The following CTNNA3 variants were observed in gnomAD, a reference collection of about 807,000 sequenced individuals.
CTNNA3 encodes the protein catenin alpha 3.
Under a neutral mutation model 95.7 loss-of-function variants are expected in CTNNA3, and 76 were observed. The observed-to-expected ratio is 0.79, with a 90% CI of 0.66 to 0.96. The LOEUF (loss-of-function observed/expected upper bound fraction) is 0.96. Ranked by LOEUF, CTNNA3 falls within the 40% of genes least tolerant of loss-of-function variation. The pLI is 0.00. For synonymous variants in CTNNA3, 431 were observed against 374.4 expected, an observed-to-expected ratio of 1.15 and a Z score of -1.74; for missense variants, 1,191 against 1,089.8, an observed-to-expected ratio of 1.09 and a Z score of -1.31.
chr10:66,171,267 AT>A (rs201061710), intron 13 of CTNNA3, among the ~76,000 whole-genome samples: 4 of 150,320 alleles, frequency 2.7e-5, no homozygotes, highest in South Asian at 2.1e-4. Flanking sequence ...GCTAGCCTTT[AT>A]TTAAAAAAAA....
chr10:66,529,442 T>TTTTTG (rs528108140), intron 10 of CTNNA3, among the ~76,000 whole-genome samples: 923 of 81,302 alleles, frequency 0.011, 9 homozygotes, highest in Non-Finnish European at 0.016. Flanking sequence ...AAACAGTGTT[T>TTTTTG]TTTTTTTGTT....
intron 7 of CTNNA3, among the ~76,000 whole-genome samples, chr10:67,108,325 C>T (rs1858758557): frequency 6.6e-6 from 1 of 152,062 alleles, no homozygotes; most frequent in Admixed American, 6.5e-5. Flanking sequence ...GAAATATTCT[C>T]TTCATCAAAT....
intron 15 of CTNNA3, among the ~76,000 whole-genome samples, chr10:66,038,843 A>C (rs1368996609): frequency 1.3e-5 from 2 of 152,144 alleles, no homozygotes; most frequent in Non-Finnish European, 2.9e-5. Context: ...ACAAGAAAAG[A>C]ATGTTCTCTG....
intron 9 of CTNNA3, among the ~76,000 whole-genome samples, chr10:66,649,899 G>A (rs775553758): frequency 1.3e-5 from 2 of 152,114 alleles, no homozygotes; most frequent in Non-Finnish European, 2.9e-5. Flanking sequence ...CCACAGACTC[G>A]GGCTTCAGGC....
chr10:66,554,893 G>C (rs1842343820), intron 10 of CTNNA3, among the ~76,000 whole-genome samples: 2 of 151,140 alleles, frequency 1.3e-5, no homozygotes, highest in Admixed American at 1.3e-4. Context: ...CTACTTTTTG[G>C]TTATTTTTTC....
intron 1 of CTNNA3, among the ~76,000 whole-genome samples, chr10:67,740,742 A>T (rs1184925086): frequency 2.6e-5 from 4 of 151,370 alleles, no homozygotes; most frequent in African/African-American, 7.3e-5. Context: ...ATTGTGGAAG[A>T]CAGTGTGGCA....
At chr10:66,346,222 T>C (rs1165653506) in intron 12 of CTNNA3, among the ~76,000 whole-genome samples, 3 of 89,652 alleles carry the variant, frequency 3.3e-5, no homozygotes, top group Non-Finnish European at 6.6e-5. Flanking sequence ...TATATATATA[T>C]ATATATATAT....
At chr10:66,331,338 G>GT (rs2092326740) in intron 12 of CTNNA3, among the ~76,000 whole-genome samples, 3 of 39,104 alleles carry the variant, frequency 7.7e-5, no homozygotes, top group Non-Finnish European at 5.9e-5. Context: ...TTTCCCCATT[G>GT]TTTGTTTTTT....
At chr10:66,934,931 A>G (rs888218550) in intron 7 of CTNNA3, among the ~76,000 whole-genome samples, 1 of 152,146 alleles carries the variant, frequency 6.6e-6, no homozygotes, top group African/African-American at 2.4e-5. Flanking sequence ...TCTTGGTGCT[A>G]AAGCTTATTA....
intron 7 of CTNNA3, among the ~76,000 whole-genome samples, chr10:66,781,975 G>C (rs1272046769): frequency 6.6e-6 from 1 of 152,134 alleles, no homozygotes; most frequent in Admixed American, 6.6e-5. Context: ...ACCATACCAT[G>C]ACAACTTGAA....
chr10:66,450,283 T>C (rs2093454825), intron 11 of CTNNA3, among the ~76,000 whole-genome samples: 1 of 152,120 alleles, frequency 6.6e-6, no homozygotes, highest in South Asian at 2.1e-4. Context: ...TGGTATTTTT[T>C]CCAGAAAATA....
At chr10:66,599,897 T>C (rs1036230668) in intron 10 of CTNNA3, among the ~76,000 whole-genome samples, 11 of 152,006 alleles carry the variant, frequency 7.2e-5, no homozygotes, top group Admixed American at 6.6e-4. Context: ...GTACATTCTC[T>C]TAGGTCACTA....
chr10:67,213,040 G>A (rs1284111776), intron 6 of CTNNA3, among the ~76,000 whole-genome samples: 1 of 151,522 alleles, frequency 6.6e-6, no homozygotes, highest in Non-Finnish European at 1.5e-5. Flanking sequence ...TTCCTGGAAG[G>A]GTTTATAGTA....
At chr10:66,615,337 A>T (rs1459266039) in intron 10 of CTNNA3, among the ~76,000 whole-genome samples, 1 of 152,000 alleles carries the variant, frequency 6.6e-6, no homozygotes, top group Non-Finnish European at 1.5e-5. Context: ...CTACAAAAAG[A>T]TCAATTATTT....
intron 5 of CTNNA3, among the ~76,000 whole-genome samples, chr10:67,332,568 G>A (rs191136090): frequency 6.6e-6 from 1 of 152,200 alleles, no homozygotes; most frequent in Non-Finnish European, 1.5e-5. Flanking sequence ...GAGAAATGTT[G>A]ACCTAAACAA....
chr10:66,384,490 T>C (rs1280383934), intron 11 of CTNNA3, among the ~76,000 whole-genome samples: 1 of 152,112 alleles, frequency 6.6e-6, no homozygotes, highest in Non-Finnish European at 1.5e-5. Context: ...ACAATAATAA[T>C]GGGAGACTTT....
intron 11 of CTNNA3, among the ~76,000 whole-genome samples, chr10:66,477,860 T>TCA (rs1839381488): frequency 6.6e-6 from 1 of 152,040 alleles, no homozygotes; most frequent in African/African-American, 2.4e-5. Flanking sequence ...ACATCCACTC[T>TCA]CATAAGTAAC....
At position 67,189,142 on chromosome 10, in the gene CTNNA3, CAAAA is replaced by C. The variant is rs202123310; in HGVS notation, c.844-8626_844-8623del. 2.9e-3 allele frequency among the ~76,000 whole-genome samples: 403 copies of C among 138,934 alleles called. 1 individual carries two copies. The highest frequency in any genetic ancestry group is 5.1e-3 in the Non-Finnish European group (323 of 63,216). 91.1% of individuals were successfully genotyped at this position (138,934 alleles called of 152,430 possible). On this transcript the variant is annotated intron_variant, in intron 6 of 17. Coordinates refer to ENST00000433211, the MANE Select transcript of CTNNA3 (RefSeq NM_013266.4). ...ACAAACAAACAAACAACAACAACAA[CAAAA>C]AAAAAAACAGAAAATTCTGTCATTT...
At chr10:67,310,254 A>T (rs905234033) in intron 5 of CTNNA3, among the ~76,000 whole-genome samples, 8 of 152,140 alleles carry the variant, frequency 5.3e-5, no homozygotes, top group Non-Finnish European at 8.8e-5. Flanking sequence ...AGCTGTATGC[A>T]TCTTCCGACA....
Sources: gnomAD v4.1 joint callset for allele counts (sites outside exome capture counted in the v4.1 genomes callset) on GRCh38, gnomAD v4.1.1 for gene constraint, MANE v1.5 for transcripts, NCBI Gene and HGNC (gene_info 2026-07-23, HGNC 2026-07-21) for gene names.